Variants in PEBP4 observed in about 807,000 individuals in gnomAD.
PEBP4 encodes the protein phosphatidylethanolamine-binding protein 4.
A neutral mutation model predicts 23.9 loss-of-function variants in PEBP4; 22 were observed. The observed-to-expected ratio is 0.92, with a 90% CI of 0.66 to 1.31. The LOEUF is 1.31. Among genes scored for constraint, PEBP4 ranks in the 40% most tolerant of loss-of-function variants. The pLI is 0.00. For synonymous variants in PEBP4, 112 were observed against 99.3 expected (o/e 1.13, Z -0.76); for missense variants, 324 against 281.7 (o/e 1.15, Z -1.07).
intron 4 of PEBP4, among the ~76,000 whole-genome samples, chr8:22,752,031 G>C (rs1805279364): frequency 6.6e-6 from 1 of 152,152 alleles, no homozygotes; most frequent in Non-Finnish European, 1.5e-5. Context: ...CGAGTAGCTA[G>C]GACTACAGGC....
At chr8:22,928,807 TC>T (rs1281437769), upstream of PEBP4, among the ~76,000 whole-genome samples, 1 of 152,130 alleles carries the variant, frequency 6.6e-6, no homozygotes, top group East Asian at 1.9e-4. Context: ...GTAAAATAAT[TC>T]CTGTCACCGT....
intron 3 of PEBP4, among the ~76,000 whole-genome samples, chr8:22,821,984 CAAA>C (rs113380878): frequency 7.6e-6 from 1 of 130,948 alleles, no homozygotes; most frequent in Admixed American, 7.8e-5. Context: ...GACCTCGTCT[CAAA>C]AAAAAAAAAA....
intron 4 of PEBP4, among the ~76,000 whole-genome samples, chr8:22,778,601 G>A (rs1805860737): frequency 6.6e-6 from 1 of 152,000 alleles, no homozygotes; most frequent in African/African-American, 2.4e-5. Flanking sequence ...TGTTTCCCTC[G>A]CCTGTGATCC....
intron 3 of PEBP4, among the ~76,000 whole-genome samples, chr8:22,862,439 C>T (rs1243112890): frequency 6.6e-6 from 1 of 152,066 alleles, no homozygotes; most frequent in African/African-American, 2.4e-5. Flanking sequence ...CCCTAAGTAT[C>T]TAAGACTTAA....
intron 3 of PEBP4, among the ~76,000 whole-genome samples, chr8:22,859,054 C>T (rs1288909700): frequency 1.3e-5 from 2 of 152,218 alleles, no homozygotes; most frequent in Admixed American, 1.3e-4. Context: ...CCATAATACC[C>T]AAACACTTCA....
intron 4 of PEBP4, among the ~76,000 whole-genome samples, chr8:22,765,212 C>T (rs978850832): frequency 1.4e-4 from 21 of 151,686 alleles, no homozygotes; most frequent in South Asian, 4.2e-4. Context: ...GGTGCAATCT[C>T]GGCTCACTGC....
rs1436942975 is a variant in PEBP4, at chr8:22,802,686, G to A, written c.357+14951C>T. On this transcript the variant is annotated intron_variant, in intron 4 of 6. Coordinates refer to ENST00000256404, the MANE Select transcript of PEBP4 (RefSeq NM_144962.3). ...TCCCTCTAATAACGCCAATCTCATC[G>A]GTGTTCCAAGACGCTTTGTTACTGG... Among the ~76,000 whole-genome samples the A allele has an allele frequency of 2.0e-5, 3 of 152,180 alleles. No individual in the cohort carries two copies. In the East Asian group the frequency reaches 5.8e-4, roughly 29 times the overall value.
intron 3 of PEBP4, among the ~76,000 whole-genome samples, chr8:22,901,064 C>A (rs1246043558): frequency 6.6e-6 from 1 of 152,090 alleles, no homozygotes; most frequent in Admixed American, 6.5e-5. Context: ...GAAGCAATAG[C>A]CCTACACATT....
At chr8:22,907,248 C>T (rs1229225921) in intron 3 of PEBP4, among the ~76,000 whole-genome samples, 1 of 152,142 alleles carries the variant, frequency 6.6e-6, no homozygotes, top group East Asian at 1.9e-4. Context: ...CACTCCGAGG[C>T]CAGGAGTTCA....
At position 22,925,813 on chromosome 8, in the gene PEBP4, C is replaced by T. The variant is rs554065229; in HGVS notation, c.131+1771G>A. Among the ~76,000 whole-genome samples, 11 of 152,276 alleles carry T rather than the reference C, an allele frequency of 7.2e-5. No homozygotes were observed. In the East Asian group the frequency reaches 7.7e-4, roughly 11 times the overall value. Reference sequence around the variant, plus strand: ...TGGCCCAGCTGACCTCTCCTGGTTACGGGGGTGTTGACCTTGCACTGCTCA... The same window carrying T: ...TGGCCCAGCTGACCTCTCCTGGTTATGGGGGTGTTGACCTTGCACTGCTCA... On this transcript the variant is annotated intron_variant, in intron 2 of 6. Coordinates refer to ENST00000256404, the MANE Select transcript of PEBP4 (RefSeq NM_144962.3).
intron 1 of PEBP4, among the ~76,000 whole-genome samples, chr8:22,938,158 GA>G (rs1366009049): frequency 3.4e-5 from 5 of 149,100 alleles, no homozygotes; most frequent in South Asian, 2.1e-4. Context: ...CAGAATGAGA[GA>G]AAAAAAAAAT....
At chr8:22,781,370 C>T (rs1265615699) in intron 4 of PEBP4, among the ~76,000 whole-genome samples, 2 of 151,540 alleles carry the variant, frequency 1.3e-5, no homozygotes, top group Non-Finnish European at 2.9e-5. Context: ...AGGAGGGACA[C>T]GGGGGTGGGC....
intron 2 of PEBP4, among the ~76,000 whole-genome samples, chr8:22,921,783 G>A (rs1563262357): frequency 1.3e-5 from 2 of 152,230 alleles, no homozygotes; most frequent in South Asian, 2.1e-4. Context: ...AGTTTTAGGT[G>A]ACCAGTTTTA....
chr8:22,887,019 A>C (rs1808392775), intron 3 of PEBP4: 1 of 148,360 alleles, frequency 6.7e-6, no homozygotes, highest in Non-Finnish European at 1.5e-5. Flanking sequence ...ATCTCTCCTT[A>C]TTTTTCTCCT....
chr8:22,936,778 G>C (rs1051676810), intron 1 of PEBP4, among the ~76,000 whole-genome samples: 1 of 152,104 alleles, frequency 6.6e-6, no homozygotes, highest in East Asian at 1.9e-4. Context: ...ATTTATTTCT[G>C]GAATGCAAGC....
At chr8:22,835,388 G>T (rs532650526) in intron 3 of PEBP4, among the ~76,000 whole-genome samples, 7 of 152,284 alleles carry the variant, frequency 4.6e-5, no homozygotes, top group African/African-American at 1.4e-4. Flanking sequence ...TCCTCCAAAT[G>T]GTCCATATCT....
chr8:22,910,452 C>G (rs1015549468), intron 3 of PEBP4, among the ~76,000 whole-genome samples: 6 of 152,204 alleles, frequency 3.9e-5, no homozygotes, highest in Admixed American at 3.9e-4. Flanking sequence ...ATTGGAGAGA[C>G]AAACAAGAAA....
chr8:22,926,483 G>T (rs2954162), intron 2 of PEBP4, among the ~76,000 whole-genome samples: 150,696 of 152,108 alleles, frequency 0.99, 74,668 homozygotes, highest in Middle Eastern at 1. Flanking sequence ...TAGCTGGGAC[G>T]ACAGGTGTGC....
chr8:22,915,440 C>T (rs1809052832), intron 3 of PEBP4, among the ~76,000 whole-genome samples: 1 of 151,790 alleles, frequency 6.6e-6, no homozygotes, highest in Non-Finnish European at 1.5e-5. Flanking sequence ...ATCCTGGCTC[C>T]CATCTGTCCC....
Sources: allele counts gnomAD v4.1 joint callset (sites outside exome capture counted in the v4.1 genomes callset), GRCh38; gene constraint gnomAD v4.1.1; transcripts MANE v1.5; gene names NCBI Gene and HGNC (gene_info 2026-07-23, HGNC 2026-07-21).